The following ISOC1 variants were observed in gnomAD, a reference collection of about 807,000 sequenced individuals.
ISOC1 encodes the protein isochorismatase domain-containing protein 1.
ISOC1 carries 33 observed loss-of-function variants against 30.0 expected under a neutral mutation model. That is an observed-to-expected ratio of 1.10 (90% CI 0.83 to 1.47). ISOC1 has a LOEUF of 1.47. Among genes scored for constraint, ISOC1 ranks in the 40% most tolerant of loss-of-function variants. ISOC1 has a pLI of 0.00. For synonymous variants in ISOC1, 178 were observed against 159.8 expected, an observed-to-expected ratio of 1.11 and a Z score of -0.86; for missense variants, 372 against 388.0, an observed-to-expected ratio of 0.96 and a Z score of 0.35.
intron 4 of ISOC1, among the ~76,000 whole-genome samples, chr5:129,110,717 T>C (rs1753695756): frequency 6.6e-6 from 1 of 152,236 alleles, no homozygotes; most frequent in African/African-American, 2.4e-5. Flanking sequence ...TAGGGAGTGC[T>C]GGGCATTGTA....
chr5:129,107,991 A>ATC (rs955267833), intron 4 of ISOC1, among the ~76,000 whole-genome samples: 3 of 151,286 alleles, frequency 2.0e-5, no homozygotes, highest in Admixed American at 6.6e-5. Flanking sequence ...TTGTCGTTTG[A>ATC]TCTCTCTCTC....
At chr5:129,098,981 G>T (rs1321491857) in intron 1 of ISOC1, among the ~76,000 whole-genome samples, 1 of 151,764 alleles carries the variant, frequency 6.6e-6, no homozygotes, top group African/African-American at 2.4e-5. Flanking sequence ...TCAGGAGCGT[G>T]GCAGGAAGAG....
At chr5:129,107,152 C>A in intron 4 of ISOC1, 90 bp downstream of exon 4, 3 of 1,071,484 alleles carry the variant, frequency 2.8e-6, no homozygotes, top group Non-Finnish European at 4.3e-6. Flanking sequence ...GAAAGGTTTA[C>A]CTCCTAAATT....
At chr5:129,097,004 C>T (rs1392078492) in intron 1 of ISOC1, among the ~76,000 whole-genome samples, 2 of 152,084 alleles carry the variant, frequency 1.3e-5, no homozygotes, top group Non-Finnish European at 2.9e-5. Flanking sequence ...TTATATAATT[C>T]TGGTCACCTG....
chr5:129,095,004 T>C lies in ISOC1; in HGVS notation c.238T>C (p.Tyr80His), dbSNP rs1164540674. ...VQLFAEEWGQ[Y>H]VDLPKGFAVS... Reference sequence around the variant, plus strand: ...GCTGTTCGCCGAGGAGTGGGGCCAGTACGTGGACTTGCCCAAGGGCTTCGC... The same window carrying C: ...GCTGTTCGCCGAGGAGTGGGGCCAGCACGTGGACTTGCCCAAGGGCTTCGC... Residue 80 changes from tyrosine (Y) to histidine (H), a missense_variant, in exon 1 of 5, where the codon TAC becomes CAC. Transcript: ENST00000173527. 6.2e-7 allele frequency: 1 copy of C among 1,608,050 alleles called. No individual in the cohort carries two copies. The highest frequency in any genetic ancestry group is 2.2e-5 in the East Asian group (1 of 44,690).
chr5:129,094,756 C>T lies in ISOC1; in HGVS notation c.-11C>T. 6.8e-7 allele frequency: 1 copy of T among 1,466,038 alleles called. No individual in the cohort carries two copies. The highest frequency in any genetic ancestry group is 1.3e-5 in the South Asian group (1 of 75,868). The allele number at this position is 1,466,038 out of a possible 1,614,324, so 90.8% of individuals were successfully genotyped here. ...TGGGCGGCCTCGGAGCTCGCAGACG[C>T]TCGGGGGAACATGGCGGCTGCGGAG... On this transcript the variant is annotated 5_prime_UTR_variant, in exon 1 of 5. Coordinates refer to ENST00000173527, the MANE Select transcript of ISOC1 (RefSeq NM_016048.2).
At chr5:129,101,019 T>TTTTGTTTG (rs5871338) in intron 1 of ISOC1, among the ~76,000 whole-genome samples, 11,220 of 144,474 alleles carry the variant, frequency 0.078, 586 homozygotes, top group East Asian at 0.15. Context: ...TCCCTATTGT[T>TTTTGTTTG]TTTGTTTGTT....
At position 129,112,875 on chromosome 5, in the gene ISOC1, C is replaced by T. The variant is rs1423493488; in HGVS notation, c.771C>T (p.Ile257=). ...FALERLARTG[I]IVTTSEAVLL... ...TCAAGCGTCTCGCTCGAACCGGGAT[C>T]ATAGTGACCACGAGTGAGGCTGTTC... Residue 257 remains isoleucine (I), a synonymous_variant, in exon 5 of 5, where the codon ATC becomes ATT. Transcript: ENST00000173527. 6.2e-7 allele frequency: 1 copy of T among 1,613,338 alleles called. No homozygotes were observed. Among genetic ancestry groups the T allele is most frequent in the African/African-American group, 1.3e-5 (1 of 74,844 alleles).
chr5:129,105,303 C>G lies in ISOC1; in HGVS notation c.548C>G (p.Thr183Ser), dbSNP rs750523252. Residue 183 changes from threonine to serine, a missense_variant, in exon 3 of 5, where the codon ACC becomes AGC. By Grantham distance (58) the Thr-to-Ser change is moderately conservative. Transcript: ENST00000173527. ...GGTGTAAAACTGGTACTTCCAAAGACCAAGTTTTCAATGGTATTACCAGAA... is the reference window on the plus strand; with the variant it reads ...GGTGTAAAACTGGTACTTCCAAAGAGCAAGTTTTCAATGGTATTACCAGAA... The part of the protein sequence containing the change: ...LTGVKLVLPK[T>S]KFSMVLPEVE... 4 of 1,613,726 alleles carry G rather than the reference C, an allele frequency of 2.5e-6. No homozygotes were observed. Among genetic ancestry groups the G allele is most frequent in the Non-Finnish European group, 3.4e-6 (4 of 1,179,814 alleles).
Position 129,108,354 on chromosome 5 carries a change from GTTA to G in ISOC1, c.750+1295_750+1297del, listed in dbSNP as rs567696917. ...GGTCCTTATTGGCTCTCCCTTCTCT[GTTA>G]TTGCTGAAGCAGAATCCTATACTGA... On this transcript the variant is annotated intron_variant, in intron 4 of 4. Transcript: ENST00000173527. Among the ~76,000 whole-genome samples the G allele has an allele frequency of 4.3e-3, 655 of 152,248 alleles. 9 individuals carry two copies. Among genetic ancestry groups the G allele is most frequent in the African/African-American group, 0.015 (630 of 41,526 alleles).
In ISOC1 at chr5:129,105,256, G is replaced by A. The variant is rs189139686; in HGVS notation, c.501G>A (p.Thr167=). ...TEQYPKGLGS[T]VQEIDLTGVK... ...AATACCCTAAAGGTCTTGGGAGCAC[G>A]GTTCAAGAAATTGATTTAACAGGTG... is the stretch of plus-strand genomic sequence containing the variant. Residue 167 remains threonine (T), a synonymous_variant, in exon 3 of 5, where the codon ACG becomes ACA. Transcript: ENST00000173527. 3.2e-5 allele frequency: 52 copies of A among 1,613,666 alleles called. No individual in the cohort carries two copies. The African/African-American group carries it at 4.9e-4, about 15-fold the overall frequency.
intron 4 of ISOC1, among the ~76,000 whole-genome samples, chr5:129,111,690 A>G (rs937565280): frequency 7.9e-5 from 12 of 151,860 alleles, no homozygotes; most frequent in South Asian, 6.2e-4. Context: ...GAATTCTTCT[A>G]TTTTCCTCCT....
chr5:129,095,137 TC>T, intron 1 of ISOC1, 62 bp downstream of exon 1: 1 of 1,438,798 alleles, frequency 7.0e-7, no homozygotes, highest in Non-Finnish European at 9.2e-7. Flanking sequence ...CCCGTCCCTG[TC>T]CCCGCCTTCG....
chr5:129,101,178 A>ATAT (rs1487163668), intron 1 of ISOC1, among the ~76,000 whole-genome samples: 8 of 108,166 alleles, frequency 7.4e-5, no homozygotes, highest in African/African-American at 3.7e-4. Context: ...AAAAAAAAAA[A>ATAT]AAAAAAAAAA....
chr5:129,094,763 G>T lies in ISOC1; in HGVS notation c.-4G>T, dbSNP rs1447840451. The T allele has an allele frequency of 2.7e-6, 4 of 1,490,676 alleles. No individual in the cohort carries two copies. The highest frequency in any genetic ancestry group is 1.3e-5 in the South Asian group (1 of 78,720). The allele number at this position is 1,490,676 out of a possible 1,614,324, so 92.3% of individuals were successfully genotyped here. ...CCTCGGAGCTCGCAGACGCTCGGGG[G>T]AACATGGCGGCTGCGGAGCCGGCGG... On this transcript the variant is annotated 5_prime_UTR_variant, in exon 1 of 5. Coordinates refer to ENST00000173527, the MANE Select transcript of ISOC1 (RefSeq NM_016048.2).
At chr5:129,095,560 C>T (rs959337079) in intron 1 of ISOC1, among the ~76,000 whole-genome samples, 1 of 152,114 alleles carries the variant, frequency 6.6e-6, no homozygotes, top group Non-Finnish European at 1.5e-5. Flanking sequence ...GAGTCAAACC[C>T]ATTCCCCCCC....
chr5:129,101,192 A>AAAAATAT lies in ISOC1; in HGVS notation c.310-3763_310-3762insAAATATA, dbSNP rs1554064627. Among the ~76,000 whole-genome samples the AAAAATAT allele has an allele frequency of 5.9e-4, 25 of 42,184 alleles. 1 individual carries two copies. Among genetic ancestry groups the AAAAATAT allele is most frequent in the African/African-American group, 1.8e-3 (10 of 5,438 alleles). 27.7% of individuals were successfully genotyped at this position (42,184 alleles called of 152,430 possible). A position where few individuals can be genotyped will look rare whatever the true frequency, so the allele number is the denominator to read the frequency against. ...AAAAAAAAAAAAAAAAAAAAAAAAA[A>AAAAATAT]ATATATATATATATATGGTTGGGTT... On this transcript the variant is annotated intron_variant, in intron 1 of 4. Coordinates refer to ENST00000173527, the MANE Select transcript of ISOC1 (RefSeq NM_016048.2).
chr5:129,113,080 TATCTC>T lies in ISOC1; in HGVS notation c.*80_*84del. 1 of 1,334,360 alleles carries T rather than the reference TATCTC, an allele frequency of 7.5e-7. No homozygotes were observed. The highest frequency in any genetic ancestry group is 1.0e-6 in the Non-Finnish European group (1 of 980,072). 82.7% of individuals were successfully genotyped at this position (1,334,360 alleles called of 1,614,324 possible). On this transcript the variant is annotated 3_prime_UTR_variant, in exon 5 of 5. Coordinates refer to ENST00000173527, the MANE Select transcript of ISOC1 (RefSeq NM_016048.2). ...ACTGTAAGCCCACACAAGCTCTTCT[TATCTC>T]TACTAGAATTAAAATGTTAAGTCAA... is the stretch of plus-strand genomic sequence containing the variant.
At chr5:129,098,754 C>T (rs931767013) in intron 1 of ISOC1, among the ~76,000 whole-genome samples, 3 of 152,056 alleles carry the variant, frequency 2.0e-5, no homozygotes, top group Non-Finnish European at 4.4e-5. Flanking sequence ...GACCTTTTCC[C>T]AAGATGGTTA....
Sources: gnomAD v4.1 joint callset for allele counts (sites outside exome capture counted in the v4.1 genomes callset) on GRCh38, gnomAD v4.1.1 for gene constraint, MANE v1.5 for transcripts, NCBI Gene and HGNC (gene_info 2026-07-23, HGNC 2026-07-21) for gene names.